The following SPAG4 variants were observed in gnomAD, a reference collection of about 807,000 sequenced individuals.
SPAG4 encodes the protein sperm associated antigen 4, also known as sperm-associated antigen 4 protein.
Under a neutral mutation model 53.9 loss-of-function variants are expected in SPAG4, and 54 were observed. That is an observed-to-expected ratio of 1.00 (90% CI 0.80 to 1.26). SPAG4 has a LOEUF of 1.26. Ranked by LOEUF, SPAG4 falls within the 50% of genes most tolerant of loss-of-function variation. The pLI, the probability that SPAG4 is intolerant of heterozygous loss-of-function variation, is 0.00. For synonymous variants in SPAG4, 246 were observed against 237.4 expected (o/e 1.04, Z -0.33); for missense variants, 548 against 568.6 (o/e 0.96, Z 0.37).
intron 3 of SPAG4, 85 bp downstream of exon 3, chr20:35,617,671 C>T: frequency 6.4e-7 from 1 of 1,567,644 alleles, no homozygotes; most frequent in Non-Finnish European, 8.8e-7. Flanking sequence ...GCGCTTGAGC[C>T]GATTCAGATC....
Position 35,616,035 on chromosome 20 carries a change from C to CA in SPAG4, c.32_33insA (p.Ser12ValfsTer48). ...CGAAGCTCCCGCCCGGGCTCGGCCTCGTCCTCGCGCAAGCACACGCCCAAC... is the reference window on the plus strand; with the variant it reads ...CGAAGCTCCCGCCCGGGCTCGGCCTCAGTCCTCGCGCAAGCACACGCCCAAC... On this transcript the variant is annotated frameshift_variant, in exon 1 of 12. Transcript: ENST00000374273. LOFTEE classifies it high-confidence loss of function. The CA allele has an allele frequency of 6.2e-7, 1 of 1,612,522 alleles. No individual in the cohort carries two copies.
At chr20:35,617,351 C>A in intron 2 of SPAG4, 111 bp downstream of exon 2, 3 of 953,510 alleles carry the variant, frequency 3.1e-6, no homozygotes, top group Non-Finnish European at 4.9e-6. Flanking sequence ...CTCTCCGAGC[C>A]TCAACTCATT....
rs565259813 is a variant in SPAG4, at chr20:35,615,901, G to A, written c.-103G>A. ...GCGGGGCCTGCCGACTTCACGCAGG[G>A]TCCGTGGGGTCCCCGCGGCGCGCAG... On this transcript the variant is annotated 5_prime_UTR_variant, in exon 1 of 12. Transcript: ENST00000374273. The A allele has an allele frequency of 5.1e-6, 6 of 1,187,678 alleles. No homozygotes were observed. The South Asian group carries it at 7.3e-5, about 14-fold the overall frequency. 73.6% of individuals were successfully genotyped at this position (1,187,678 alleles called of 1,614,324 possible). A position where few individuals can be genotyped will look rare whatever the true frequency, so the allele number is the denominator to read the frequency against.
intron 11 of SPAG4, 38 bp downstream of exon 11, chr20:35,620,811 G>A (rs777853895): frequency 1.9e-6 from 3 of 1,612,998 alleles, no homozygotes; most frequent in South Asian, 1.1e-5. Context: ...CAAGGGAGTG[G>A]GGCAGTGAGG....
chr20:35,618,225 G>C, intron 5 of SPAG4, 95 bp downstream of exon 5: 1 of 1,292,912 alleles, frequency 7.7e-7, no homozygotes, highest in Non-Finnish European at 1.1e-6. Context: ...CTGGGGTGGG[G>C]GTAGTGCCAG....
chr20:35,617,102 G>T (rs778733845), intron 1 of SPAG4, 34 bp from the exon 2 acceptor site: 5 of 1,408,612 alleles, frequency 3.5e-6, no homozygotes, highest in Non-Finnish European at 4.9e-6. Context: ...TCTGTGGTCC[G>T]CAAGGCCCCA....
At position 35,618,958 on chromosome 20, in the gene SPAG4, G is replaced by A; in HGVS notation, c.753G>A (p.Glu251=). 1 of 1,614,224 alleles carries A rather than the reference G, an allele frequency of 6.2e-7. No individual in the cohort carries two copies. The highest frequency in any genetic ancestry group is 8.5e-7 in the Non-Finnish European group (1 of 1,180,038). ...VAKLVFQRLN[E]DFVRKPDYAL... ...AGCTCGTGTTCCAGAGGCTGAATGA[G>A]GATTTTGTGCGGAAGCCCGACTATG... The change falls in exon 8 of 12, where the codon GAG becomes GAA. Residue 251 remains glutamate, a synonymous_variant. Coordinates refer to ENST00000374273, the MANE Select transcript of SPAG4 (RefSeq NM_003116.3).
At position 35,619,635 on chromosome 20, in the gene SPAG4, G is replaced by A. The variant is rs1306930278; in HGVS notation, c.966G>A (p.Val322=). ...TTGAAGGCGACCAAGGCCAGGTGGT[G>A]ATCCAACTGCCGGGCCGAGTGCAGC... ...WAFEGDQGQV[V]IQLPGRVQLS... The change falls in exon 10 of 12, where the codon GTG becomes GTA. Residue 322 remains valine (V), a synonymous_variant. Transcript: ENST00000374273. 9.9e-6 allele frequency: 16 copies of A among 1,613,930 alleles called. No homozygotes were observed. Among genetic ancestry groups the A allele is most frequent in the Admixed American group, 1.7e-5 (1 of 60,004 alleles).
rs1172879922 is a variant in SPAG4 at position 35,619,343 on chromosome 20, G to A, written c.909+33G>A. Reference sequence around the variant, plus strand: ...TGGAAACATCCCGGGATGGGACCCCGGGCGGGACGCTGGGAAAAGCACCAA... The same window carrying A: ...TGGAAACATCCCGGGATGGGACCCCAGGCGGGACGCTGGGAAAAGCACCAA... On this transcript the variant is annotated intron_variant, in intron 9 of 11. Transcript: ENST00000374273. 5 of 1,585,884 alleles carry A rather than the reference G, an allele frequency of 3.2e-6. No individual in the cohort carries two copies. The Admixed American group carries it at 8.3e-5, about 26-fold the overall frequency.
chr20:35,618,420 G>C (rs1195519539), intron 5 of SPAG4, 30 bp from the exon 6 acceptor site: 1 of 1,613,774 alleles, frequency 6.2e-7, no homozygotes, highest in East Asian at 2.2e-5. Context: ...GGAGCTGAGC[G>C]GCTCTGTGTT....
At chr20:35,618,161 G>T (rs778272583) in intron 5 of SPAG4, 31 bp downstream of exon 5, 2 of 1,606,038 alleles carry the variant, frequency 1.2e-6, no homozygotes, top group Non-Finnish European at 1.7e-6. Flanking sequence ...TGGGGTAGGG[G>T]GTTGGCAGGT....
chr20:35,619,284 G>T lies in SPAG4; in HGVS notation c.883G>T (p.Ala295Ser). 1 of 1,613,986 alleles carries T rather than the reference G, an allele frequency of 6.2e-7. No individual in the cohort carries two copies. Reference protein sequence around the residue: ...FWNRFSFWNYARPPTVILEPH... With the variant: ...FWNRFSFWNYSRPPTVILEPH... ...GAATCGCTTCAGCTTCTGGAACTAC[G>T]CACGGCCGCCCACGGTTATCCTGGA... is the stretch of plus-strand genomic sequence containing the variant. Residue 295 changes from alanine to serine, a missense_variant, in exon 9 of 12, where the codon GCA becomes TCA. Ala to Ser is a moderately conservative substitution (Grantham distance 99, BLOSUM62 1). Transcript: ENST00000374273.
rs760081720 is a variant in SPAG4 at position 35,617,170 on chromosome 20, G to T, written c.339G>T (p.Pro113=). Residue 113 remains proline, a synonymous_variant, in exon 2 of 12, where the codon CCG becomes CCT. Coordinates refer to ENST00000374273, the MANE Select transcript of SPAG4 (RefSeq NM_003116.3). ...GGTCTCCAGTAGTCTCTGAGGAGCC[G>T]CTCGACCTTCTCCCGACCCTGGATC... ...PTGSPVVSEE[P]LDLLPTLDLR... is the part of the protein sequence containing the mutation. 1.0e-5 allele frequency: 16 copies of T among 1,596,062 alleles called. No homozygotes were observed. The highest frequency in any genetic ancestry group is 1.7e-4 in the Middle Eastern group (1 of 5,948).
intron 9 of SPAG4, 41 bp downstream of exon 9, chr20:35,619,351 C>T: frequency 6.3e-7 from 1 of 1,576,754 alleles, no homozygotes; most frequent in Non-Finnish European, 8.7e-7. Context: ...CCGGGCGGGA[C>T]GCTGGGAAAA....
intron 8 of SPAG4, 48 bp downstream of exon 8, chr20:35,619,046 C>T (rs773513126): frequency 1.8e-5 from 27 of 1,542,842 alleles, no homozygotes; most frequent in Non-Finnish European, 2.2e-5. Context: ...AGGAAAGAGG[C>T]CAAGACACTG....
At chr20:35,620,621 T>TACC in intron 10 of SPAG4, 63 bp from the exon 11 acceptor site, 1 of 510,084 alleles carries the variant, frequency 2.0e-6, no homozygotes, top group Non-Finnish European at 3.7e-6. Flanking sequence ...AGTTTTCTTC[T>TACC]CCCCGCCCCC....
Position 35,620,746 on chromosome 20 carries a change from A to G in SPAG4, c.1140A>G (p.Lys380=), listed in dbSNP as rs753099653. The G allele has an allele frequency of 2.5e-6, 4 of 1,613,726 alleles. No homozygotes were observed. ...SLGKFTFDVE[K]SEIQTFHLQN... ...GGAAATTCACCTTCGATGTTGAGAAATCGGAGATTCAGACTTTCCACCTGC... is the reference window on the plus strand; with the variant it reads ...GGAAATTCACCTTCGATGTTGAGAAGTCGGAGATTCAGACTTTCCACCTGC... Residue 380 remains lysine (K), a synonymous_variant, in exon 11 of 12, where the codon AAA becomes AAG. Coordinates refer to ENST00000374273, the MANE Select transcript of SPAG4 (RefSeq NM_003116.3).
At chr20:35,617,744 C>A (rs2031435924) in intron 3 of SPAG4, 35 bp from the exon 4 acceptor site, 3 of 1,603,736 alleles carry the variant, frequency 1.9e-6, no homozygotes, top group Non-Finnish European at 2.6e-6. Flanking sequence ...GAGGGTTGAG[C>A]AGGTCGGGGC....
Position 35,616,219 on chromosome 20 carries a change from G to A in SPAG4, c.216G>A (p.Trp72Ter), listed in dbSNP as rs1221139354. 3 of 1,574,454 alleles carry A rather than the reference G, an allele frequency of 1.9e-6. No homozygotes were observed. Among genetic ancestry groups the A allele is most frequent in the Non-Finnish European group, 2.6e-6 (3 of 1,163,126 alleles). ...LSAGVPGGTT[W>*]AGSSQQKPAP... ...CGGGAGTGCCCGGAGGAACCACATG[G>A]GCAGGAAGCTCTCAGCAGAAGCCAG... The change falls in exon 1 of 12, where the codon TGG becomes TGA. Residue 72 changes from tryptophan (W) to a stop codon, truncating the protein, a stop_gained. Coordinates refer to ENST00000374273, the MANE Select transcript of SPAG4 (RefSeq NM_003116.3). LOFTEE classifies it high-confidence loss of function.
Sources: gnomAD v4.1 joint callset for allele counts on GRCh38, gnomAD v4.1.1 for gene constraint, MANE v1.5 for transcripts, NCBI Gene and HGNC (gene_info 2026-07-23, HGNC 2026-07-21) for gene names.